KCNAB1: variants seen among roughly 807,000 people sequenced by gnomAD.
KCNAB1 encodes the protein voltage-gated potassium channel subunit beta-1.
KCNAB1 carries 35 observed loss-of-function variants against 64.6 expected under a neutral mutation model. That is an observed-to-expected ratio of 0.54 (90% CI 0.41 to 0.72). KCNAB1 has a LOEUF of 0.72. Among genes scored for constraint, KCNAB1 ranks in the 30% least tolerant of loss-of-function variants. KCNAB1 has a pLI of 0.00. For missense variants in KCNAB1, 401 were observed against 512.9 expected (o/e 0.78, Z 2.11); for synonymous variants, 177 against 183.8 (o/e 0.96, Z 0.30).
intron 1 of KCNAB1, among the ~76,000 whole-genome samples, chr3:156,168,077 C>G (rs190843394): frequency 6.6e-6 from 1 of 152,158 alleles, no homozygotes; most frequent in Non-Finnish European, 1.5e-5. Context: ...GTGGTGCACA[C>G]CTGTAGTCCC....
chr3:156,279,668 G>A (rs1719571755), intron 1 of KCNAB1, among the ~76,000 whole-genome samples: 1 of 152,150 alleles, frequency 6.6e-6, no homozygotes, highest in African/African-American at 2.4e-5. Context: ...TCTAACTGGT[G>A]TGAGATGGTA....
chr3:156,402,851 C>T (rs1713998235), intron 1 of KCNAB1, among the ~76,000 whole-genome samples: 1 of 152,174 alleles, frequency 6.6e-6, no homozygotes, highest in Admixed American at 6.5e-5. Context: ...ATTATGGTAA[C>T]TATAACTATG....
chr3:156,358,582 T>C (rs975046187), intron 1 of KCNAB1, among the ~76,000 whole-genome samples: 6 of 152,122 alleles, frequency 3.9e-5, no homozygotes, highest in African/African-American at 1.2e-4. Flanking sequence ...TGGGAAAGGG[T>C]AGAGGTTTTC....
At chr3:156,494,765 C>T (rs1316004513) in intron 8 of KCNAB1, among the ~76,000 whole-genome samples, 1 of 152,170 alleles carries the variant, frequency 6.6e-6, no homozygotes, top group Non-Finnish European at 1.5e-5. Flanking sequence ...CAAAGAAGTT[C>T]AAGAGTTAAC....
intron 8 of KCNAB1, among the ~76,000 whole-genome samples, chr3:156,504,480 C>A (rs1716676092): frequency 1.3e-5 from 2 of 152,074 alleles, no homozygotes; most frequent in South Asian, 4.1e-4. Flanking sequence ...TTTTGAGAAA[C>A]TTCCATACTA....
intron 1 of KCNAB1, among the ~76,000 whole-genome samples, chr3:156,146,936 A>G (rs760916085): frequency 1.3e-5 from 2 of 152,184 alleles, no homozygotes; most frequent in Non-Finnish European, 2.9e-5. Context: ...CAGGTTATGT[A>G]TTTACTTGTT....
At chr3:156,386,309 CA>C (rs1198712958) in intron 1 of KCNAB1, among the ~76,000 whole-genome samples, 2 of 152,218 alleles carry the variant, frequency 1.3e-5, no homozygotes, top group African/African-American at 4.8e-5. Context: ...CCTTCATGCG[CA>C]GTGCCCTCCT....
chr3:156,475,926 C>T (rs1714304810), intron 8 of KCNAB1, among the ~76,000 whole-genome samples: 1 of 152,142 alleles, frequency 6.6e-6, no homozygotes, highest in Non-Finnish European at 1.5e-5. Context: ...TTATAACTAA[C>T]TTTCTCCTAC....
chr3:156,291,586 A>G (rs1267722942), intron 1 of KCNAB1: 3 of 1,233,036 alleles, frequency 2.4e-6, no homozygotes, highest in African/African-American at 1.5e-5. Context: ...CCCCCACTGC[A>G]TGGATTTGGC....
At chr3:156,373,698 C>G (rs1364111361) in intron 1 of KCNAB1, among the ~76,000 whole-genome samples, 2 of 152,164 alleles carry the variant, frequency 1.3e-5, no homozygotes, top group African/African-American at 4.8e-5. Context: ...TTTTCTATGT[C>G]TCTCTGAGAC....
chr3:156,430,040 C>G (rs1303163631), intron 2 of KCNAB1, among the ~76,000 whole-genome samples: 1 of 152,156 alleles, frequency 6.6e-6, no homozygotes, highest in African/African-American at 2.4e-5. Context: ...AATATTTCTT[C>G]CTAGTTTCCT....
At chr3:156,283,920 C>G (rs1311718367) in intron 1 of KCNAB1, among the ~76,000 whole-genome samples, 1 of 151,072 alleles carries the variant, frequency 6.6e-6, no homozygotes, top group Non-Finnish European at 1.5e-5. Context: ...AATGTCCTCC[C>G]GTAGCTCAGA....
chr3:156,171,073 G>T lies in KCNAB1; in HGVS notation c.275+50187G>T, dbSNP rs559488052. Among the ~76,000 whole-genome samples the T allele has an allele frequency of 2.0e-3, 311 of 152,128 alleles. 1 individual carries two copies. Among genetic ancestry groups the T allele is most frequent in the African/African-American group, 7.1e-3 (294 of 41,478 alleles). ...GGTGAGTGGGCTTTTACCCAATTAT[G>T]TATGTCTACCTTTGTTTGAGCTACA... On this transcript the variant is annotated intron_variant, in intron 1 of 13. Transcript: ENST00000490337.
intron 8 of KCNAB1, among the ~76,000 whole-genome samples, chr3:156,489,377 G>A (rs1477721948): frequency 6.6e-6 from 1 of 151,782 alleles, no homozygotes; most frequent in East Asian, 1.9e-4. Context: ...TATATCAAAT[G>A]TTACCGATAG....
intron 1 of KCNAB1, among the ~76,000 whole-genome samples, chr3:156,225,958 T>C (rs1157867656): frequency 6.6e-6 from 1 of 152,132 alleles, no homozygotes; most frequent in East Asian, 1.9e-4. Context: ...CATCCCATGC[T>C]CATGGATTCA....
intron 1 of KCNAB1, among the ~76,000 whole-genome samples, chr3:156,328,807 A>G (rs905687993): frequency 6.6e-6 from 1 of 152,230 alleles, no homozygotes; most frequent in Non-Finnish European, 1.5e-5. Context: ...CTATAATTCA[A>G]TAGGCTTTGA....
chr3:156,288,269 C>A (rs1020830969), intron 1 of KCNAB1, among the ~76,000 whole-genome samples: 8 of 152,218 alleles, frequency 5.3e-5, no homozygotes, highest in African/African-American at 1.9e-4. Flanking sequence ...AATGTCCTAT[C>A]TTAAAATACA....
At chr3:156,403,236 G>A (rs1178876980) in intron 1 of KCNAB1, among the ~76,000 whole-genome samples, 1 of 152,226 alleles carries the variant, frequency 6.6e-6, no homozygotes, top group African/African-American at 2.4e-5. Context: ...GGCTGCCAGA[G>A]TGAAGCCTGG....
At chr3:156,341,133 A>G (rs1236361406) in intron 1 of KCNAB1, among the ~76,000 whole-genome samples, 1 of 152,258 alleles carries the variant, frequency 6.6e-6, no homozygotes, top group African/African-American at 2.4e-5. Flanking sequence ...AGCAAAAAAT[A>G]CAGAACTTCT....
Sources: allele counts gnomAD v4.1 joint callset (sites outside exome capture counted in the v4.1 genomes callset), GRCh38; gene constraint gnomAD v4.1.1; transcripts MANE v1.5; gene names NCBI Gene and HGNC (gene_info 2026-07-23, HGNC 2026-07-21).